PRKACB: variants seen among roughly 807,000 people sequenced by gnomAD.
PRKACB encodes protein kinase cAMP-activated catalytic subunit beta, also known as cAMP-dependent protein kinase catalytic subunit beta.
In PRKACB, 16 loss-of-function variants were observed where a neutral mutation model predicts 51.4. The ratio of observed to expected loss-of-function variants is 0.31; its 90% CI spans 0.21 to 0.47. PRKACB has a LOEUF of 0.47. Ranked by LOEUF, PRKACB falls within the 20% of genes least tolerant of loss-of-function variation. PRKACB has a pLI of 1.00. For missense variants in PRKACB, 309 were observed against 464.5 expected (o/e 0.67, Z 3.08); for synonymous variants, 147 against 154.4 (o/e 0.95, Z 0.35).
chr1:84,136,577 GC>G (rs1447852276), intron 1 of PRKACB, among the ~76,000 whole-genome samples: 1 of 151,464 alleles, frequency 6.6e-6, no homozygotes, highest in Non-Finnish European at 1.5e-5. Context: ...CTTTTTCGTT[GC>G]TGGTGGTAAT....
chr1:84,232,519 G>A (rs559647662), intron 9 of PRKACB, among the ~76,000 whole-genome samples: 1 of 152,152 alleles, frequency 6.6e-6, no homozygotes, highest in African/African-American at 2.4e-5. Context: ...GGGTGTTAAA[G>A]TCTCCCATTA....
At chr1:84,198,716 C>T (rs1668890394) in intron 7 of PRKACB, among the ~76,000 whole-genome samples, 2 of 151,318 alleles carry the variant, frequency 1.3e-5, no homozygotes, top group Admixed American at 1.3e-4. Flanking sequence ...AAGTAATACT[C>T]ATTATACAAA....
At position 84,232,101 on chromosome 1, in the gene PRKACB, A is replaced by G. The variant is rs188784823; in HGVS notation, c.1072-3079A>G. ...CCACACACTGCTTTGAATGTGTCCCAGAGATTCTGGTATGTTGTGTGTTTG... is the reference window on the plus strand; with the variant it reads ...CCACACACTGCTTTGAATGTGTCCCGGAGATTCTGGTATGTTGTGTGTTTG... On this transcript the variant is annotated intron_variant, in intron 9 of 9. Transcript: ENST00000370685. 4.6e-3 allele frequency among the ~76,000 whole-genome samples: 703 copies of G among 152,068 alleles called. 5 individuals carry two copies. Among genetic ancestry groups the G allele is most frequent in the Middle Eastern group, 0.024 (7 of 294 alleles).
chr1:84,229,878 A>G (rs1301746871), intron 9 of PRKACB, among the ~76,000 whole-genome samples: 2 of 152,036 alleles, frequency 1.3e-5, no homozygotes, highest in Admixed American at 1.3e-4. Flanking sequence ...CCCATTTTGT[A>G]GGTTGCCTGT....
intron 5 of PRKACB, among the ~76,000 whole-genome samples, chr1:84,196,107 A>G (rs1449162312): frequency 6.6e-6 from 1 of 152,172 alleles, no homozygotes; most frequent in East Asian, 1.9e-4. Flanking sequence ...TAACGAGCGT[A>G]TGTCATTTTT....
intron 1 of PRKACB, chr1:84,164,271 A>G (rs1656701908): frequency 2.0e-6 from 3 of 1,477,460 alleles, no homozygotes; most frequent in South Asian, 1.3e-5. Context: ...GATCTCGGCA[A>G]TAAGATTCAT....
rs60681226 is a variant in PRKACB, at chr1:84,136,490, CCACACACACACACACA to C, written c.47-42673_47-42658del. ...TGTACACTTACTAGAACGGCCAAAA[CCACACACACACACACA>C]CACACACACACACTCACTCTGACTG... On this transcript the variant is annotated intron_variant, in intron 1 of 8. Transcript: ENST00000370688. 3.3e-4 allele frequency among the ~76,000 whole-genome samples: 48 copies of C among 146,650 alleles called. 1 individual carries two copies. The highest frequency in any genetic ancestry group is 2.2e-3 in the Admixed American group (32 of 14,634).
chr1:84,098,156 AT>A (rs1649066493), intron 1 of PRKACB, among the ~76,000 whole-genome samples: 1 of 152,120 alleles, frequency 6.6e-6, no homozygotes, highest in South Asian at 2.1e-4. Context: ...TGTAATGCCT[AT>A]TACCTTAAAT....
Position 84,144,461 on chromosome 1 carries a change from T to G in PRKACB, c.100T>G (p.Ser34Ala). 1 of 1,612,952 alleles carries G rather than the reference T, an allele frequency of 6.2e-7. No individual in the cohort carries two copies. The highest frequency in any genetic ancestry group is 8.5e-7 in the Non-Finnish European group (1 of 1,179,580). The change falls in exon 1 of 10, where the codon TCT becomes GCT. Residue 34 changes from serine to alanine, a missense_variant. Physicochemically the swap from Ser to Ala is moderately conservative, Grantham distance 99. Transcript: ENST00000370685. ...GFASRLFHRH[S>A]KGTAHDQKTA... ...TGCTAGCCGGTTATTTCATAGACAC[T>G]CTAAAGGTACTGCACATGATCAGAA...
intron 1 of PRKACB, chr1:84,175,737 T>C (rs1661013200): frequency 6.8e-7 from 1 of 1,462,064 alleles, no homozygotes; most frequent in African/African-American, 1.4e-5. Flanking sequence ...GTCTCTCTTT[T>C]TTTTTTCATC....
intron 3 of PRKACB, among the ~76,000 whole-genome samples, chr1:84,183,237 T>G (rs1395971598): frequency 6.6e-6 from 1 of 152,016 alleles, no homozygotes; most frequent in Non-Finnish European, 1.5e-5. Flanking sequence ...CTTGCTAAAG[T>G]CACCACTTCT....
chr1:84,190,063 C>T (rs1666295562), intron 5 of PRKACB, among the ~76,000 whole-genome samples: 1 of 151,808 alleles, frequency 6.6e-6, no homozygotes. Flanking sequence ...TTTGGAACAG[C>T]CAATCATTTT....
intron 1 of PRKACB, among the ~76,000 whole-genome samples, chr1:84,165,332 T>A (rs1425235140): frequency 6.6e-6 from 1 of 151,916 alleles, no homozygotes; most frequent in Non-Finnish European, 1.5e-5. Flanking sequence ...GAGGATTTTC[T>A]TTTAGTATCT....
intron 1 of PRKACB, among the ~76,000 whole-genome samples, chr1:84,104,507 G>T (rs115327413): frequency 0.011 from 1,695 of 152,204 alleles, 40 homozygotes; most frequent in African/African-American, 0.039. Context: ...CCAGCATTGG[G>T]ATTGCTGGAT....
intron 9 of PRKACB, among the ~76,000 whole-genome samples, chr1:84,225,893 C>G (rs1165146086): frequency 6.6e-6 from 1 of 152,192 alleles, no homozygotes; most frequent in Non-Finnish European, 1.5e-5. Flanking sequence ...TTCCCTGTCA[C>G]TTCCCTGCTA....
intron 1 of PRKACB, among the ~76,000 whole-genome samples, chr1:84,123,420 CACTT>C (rs1651261388): frequency 6.6e-6 from 1 of 152,056 alleles, no homozygotes; most frequent in Non-Finnish European, 1.5e-5. Flanking sequence ...GTTCAGTAAT[CACTT>C]ACTAGAGTTC....
intron 1 of PRKACB, among the ~76,000 whole-genome samples, chr1:84,093,305 C>T (rs374493119): frequency 6.6e-6 from 1 of 151,276 alleles, no homozygotes; most frequent in East Asian, 1.9e-4. Context: ...GTATGCGCTT[C>T]TGTGTGTGTG....
intron 1 of PRKACB, among the ~76,000 whole-genome samples, chr1:84,157,151 T>A (rs975785580): frequency 1.8e-4 from 28 of 152,286 alleles, no homozygotes; most frequent in African/African-American, 6.7e-4. Flanking sequence ...CCTGTTTCAT[T>A]TTTTTATGCA....
intron 1 of PRKACB, among the ~76,000 whole-genome samples, chr1:84,113,023 T>C (rs1219885871): frequency 1.3e-5 from 2 of 152,042 alleles, no homozygotes; most frequent in Non-Finnish European, 2.9e-5. Flanking sequence ...AGACTAAAAA[T>C]GAAATAGAAA....
Sources: gnomAD v4.1 joint callset for allele counts (sites outside exome capture counted in the v4.1 genomes callset) on GRCh38, gnomAD v4.1.1 for gene constraint, MANE v1.5 for transcripts, NCBI Gene and HGNC (gene_info 2026-07-23, HGNC 2026-07-21) for gene names.